Variants in CDK17 observed in about 807,000 individuals in gnomAD.
CDK17 encodes the protein cyclin-dependent kinase 17.
A neutral mutation model predicts 77.6 loss-of-function variants in CDK17; 24 were observed. That is an observed-to-expected ratio of 0.31 (90% CI 0.22 to 0.44). The LOEUF is 0.44. CDK17 is among the 20% of genes least tolerant of loss of function. The probability of loss-of-function intolerance (pLI) is 1.00; values close to 1 mark genes in which losing one functional copy is unlikely to be tolerated. For missense variants in CDK17, 429 were observed against 622.5 expected (o/e 0.69, Z 3.31); for synonymous variants, 203 against 210.4 (o/e 0.96, Z 0.30).
At chr12:96,365,866 C>A (rs1461496485) in intron 1 of CDK17, among the ~76,000 whole-genome samples, 9 of 152,162 alleles carry the variant, frequency 5.9e-5, no homozygotes, top group Non-Finnish European at 1.0e-4. Flanking sequence ...CATAGCAAGA[C>A]CCTGTCTCAA....
At chr12:96,321,629 A>G (rs1952813908) in intron 3 of CDK17, among the ~76,000 whole-genome samples, 1 of 52,068 alleles carries the variant, frequency 1.9e-5, no homozygotes, top group Non-Finnish European at 3.8e-5. Flanking sequence ...CTATGCAGCC[A>G]TAAAAATTGA....
chr12:96,343,420 C>T (rs1427821430), intron 1 of CDK17, among the ~76,000 whole-genome samples: 3 of 152,166 alleles, frequency 2.0e-5, no homozygotes, highest in Non-Finnish European at 4.4e-5. Context: ...ATTTTGTCCT[C>T]CAAAAATTCA....
chr12:96,295,195 G>A, intron 9 of CDK17, 73 bp from the exon 10 acceptor site: 1 of 1,178,098 alleles, frequency 8.5e-7, no homozygotes, highest in Non-Finnish European at 1.2e-6. Flanking sequence ...ATGATGGTAA[G>A]CAGAAAAGCA....
chr12:96,351,898 T>C (rs1055918790), intron 1 of CDK17, among the ~76,000 whole-genome samples: 4 of 152,188 alleles, frequency 2.6e-5, no homozygotes, highest in Admixed American at 6.6e-5. Context: ...CAAAAGACTG[T>C]TGTTGCTCCC....
rs547073162 is a variant in CDK17, at chr12:96,280,716, T to C, written c.1534+92A>G. The C allele has an allele frequency of 7.1e-6, 11 of 1,549,876 alleles. No homozygotes were observed. In the South Asian group the frequency reaches 1.2e-4, roughly 17 times the overall value. ...AATGCACTGTACATTGGTTTTTACA[T>C]CAATAATTTTACTGATCAATTTATA... On this transcript the variant is annotated intron_variant, in intron 16 of 16. Transcript: ENST00000261211.
intron 1 of CDK17, chr12:96,387,230 C>G (rs1265181380): frequency 4.2e-6 from 1 of 239,732 alleles, no homozygotes; most frequent in Admixed American, 4.2e-5. Flanking sequence ...TCCAATAGCA[C>G]ACAGCATCCA....
intron 1 of CDK17, among the ~76,000 whole-genome samples, chr12:96,362,231 C>CT (rs1300579207): frequency 6.7e-6 from 1 of 148,906 alleles, no homozygotes; most frequent in Non-Finnish European, 1.5e-5. Flanking sequence ...TTTTTTTTTT[C>CT]TTTTTTTGAG....
chr12:96,389,399 G>T (rs1174011308), intron 1 of CDK17, among the ~76,000 whole-genome samples: 1 of 152,130 alleles, frequency 6.6e-6, no homozygotes, highest in Non-Finnish European at 1.5e-5. Context: ...AACCTAAGTT[G>T]CAGATCTTTT....
At chr12:96,379,603 A>AT (rs149085301) in intron 1 of CDK17, among the ~76,000 whole-genome samples, 373 of 151,932 alleles carry the variant, frequency 2.5e-3, no homozygotes, top group Non-Finnish European at 4.1e-3. Flanking sequence ...TTTCTTAAAC[A>AT]TTTTTTGTAG....
intron 6 of CDK17, among the ~76,000 whole-genome samples, chr12:96,300,014 T>C (rs1290847079): frequency 5.9e-5 from 9 of 152,212 alleles, no homozygotes; most frequent in African/African-American, 2.2e-4. Context: ...AGACTGGCAG[T>C]AGACTAAGTG....
intron 2 of CDK17, among the ~76,000 whole-genome samples, chr12:96,330,069 G>A (rs544278780): frequency 6.6e-6 from 1 of 152,246 alleles, no homozygotes; most frequent in Admixed American, 6.5e-5. Flanking sequence ...TAGTATATGT[G>A]CAATAAAACA....
chr12:96,374,997 G>A (rs1464938351), intron 1 of CDK17, among the ~76,000 whole-genome samples: 1 of 152,082 alleles, frequency 6.6e-6, no homozygotes, highest in Non-Finnish European at 1.5e-5. Context: ...ACCTAAATGG[G>A]CCTCAACACT....
chr12:96,362,243 CAG>C (rs773400689), intron 1 of CDK17, among the ~76,000 whole-genome samples: 1 of 151,162 alleles, frequency 6.6e-6, no homozygotes, highest in East Asian at 1.9e-4. Flanking sequence ...TTTTTTGAGA[CAG>C]AGTATCACTG....
chr12:96,334,981 T>C, intron 1 of CDK17, 116 bp from the exon 2 acceptor site: 1 of 688,200 alleles, frequency 1.5e-6, no homozygotes, highest in Non-Finnish European at 2.6e-6. Flanking sequence ...GAATTCTCAC[T>C]TCTGCCAAAC....
At chr12:96,282,347 G>C in intron 15 of CDK17, 162 bp downstream of exon 15, 1 of 564,550 alleles carries the variant, frequency 1.8e-6, no homozygotes, top group Non-Finnish European at 3.2e-6. Context: ...CTGAATCATA[G>C]GGAAATAAGA....
intron 10 of CDK17, among the ~76,000 whole-genome samples, chr12:96,294,611 A>AAAAAAAAAAAAAAAAAAAAAAAAAAT (rs71097274): frequency 1.6e-5 from 2 of 121,254 alleles, no homozygotes; most frequent in Non-Finnish European, 3.5e-5. Flanking sequence ...AAAAAAAAAA[A>AAAAAAAAAAAAAAAAAAAAAAAAAAT]GATATATTTT....
chr12:96,294,280 G>A (rs893033761), intron 10 of CDK17, among the ~76,000 whole-genome samples: 3 of 151,998 alleles, frequency 2.0e-5, no homozygotes, highest in Admixed American at 6.6e-5. Flanking sequence ...TTCCCTTTAC[G>A]TAAGTGTAGT....
intron 1 of CDK17, among the ~76,000 whole-genome samples, chr12:96,340,217 A>C (rs1953104171): frequency 1.3e-5 from 2 of 152,092 alleles, no homozygotes; most frequent in African/African-American, 4.8e-5. Flanking sequence ...GTATCAGGGG[A>C]CATTCTATGC....
chr12:96,320,593 C>G (rs1357876425), intron 3 of CDK17, among the ~76,000 whole-genome samples: 6 of 151,016 alleles, frequency 4.0e-5, no homozygotes, highest in Admixed American at 2.6e-4. Flanking sequence ...CAGCATGGTA[C>G]TGGTACCAAA....
Sources: allele counts gnomAD v4.1 joint callset (sites outside exome capture counted in the v4.1 genomes callset), GRCh38; gene constraint gnomAD v4.1.1; transcripts MANE v1.5; gene names NCBI Gene and HGNC (gene_info 2026-07-23, HGNC 2026-07-21).